PDZRN4: variants seen among roughly 807,000 people sequenced by gnomAD.
PDZRN4 encodes PDZ domain containing ring finger 4.
PDZRN4 carries 70 observed loss-of-function variants against 99.0 expected under a neutral mutation model. The ratio of observed to expected loss-of-function variants is 0.71; its 90% CI spans 0.58 to 0.86. PDZRN4 has a LOEUF of 0.86. Among genes scored for constraint, PDZRN4 ranks in the 40% least tolerant of loss-of-function variants. The pLI, the probability that PDZRN4 is intolerant of heterozygous loss-of-function variation, is 0.00. For synonymous variants in PDZRN4, 551 were observed against 501.6 expected, an observed-to-expected ratio of 1.10 and a Z score of -1.32; for missense variants, 1,474 against 1,331.2, an observed-to-expected ratio of 1.11 and a Z score of -1.67.
chr12:41,512,079 C>T (rs1244262146), intron 5 of PDZRN4, among the ~76,000 whole-genome samples: 1 of 152,046 alleles, frequency 6.6e-6, no homozygotes, highest in Non-Finnish European at 1.5e-5. Context: ...AAGACTTCAG[C>T]TCAGAAAGAG....
At chr12:41,463,854 C>T (rs1952896959) in intron 3 of PDZRN4, among the ~76,000 whole-genome samples, 1 of 152,248 alleles carries the variant, frequency 6.6e-6, no homozygotes, top group African/African-American at 2.4e-5. Flanking sequence ...ATACACATTC[C>T]CTTCAGTAGT....
intron 5 of PDZRN4, among the ~76,000 whole-genome samples, chr12:41,540,861 TTCG>T (rs1386607942): frequency 2.6e-5 from 3 of 115,086 alleles, no homozygotes; most frequent in Admixed American, 8.0e-5. Context: ...GCCCCTTTTC[TTCG>T]TTGTTGTTGT....
chr12:41,341,101 A>C (rs1438804112), intron 3 of PDZRN4, among the ~76,000 whole-genome samples: 1 of 151,886 alleles, frequency 6.6e-6, no homozygotes, highest in Non-Finnish European at 1.5e-5. Flanking sequence ...ATAAAAAGAC[A>C]AAAACGTGAT....
chr12:41,258,519 G>A (rs1425755775), intron 3 of PDZRN4, among the ~76,000 whole-genome samples: 2 of 151,940 alleles, frequency 1.3e-5, no homozygotes, highest in Non-Finnish European at 2.9e-5. Flanking sequence ...AAAAGAAAAG[G>A]GGGTAAAAAG....
At chr12:41,555,236 AAAAAAAAAAAAAAG>A (rs1258230467) in intron 6 of PDZRN4, among the ~76,000 whole-genome samples, 4 of 14,362 alleles carry the variant, frequency 2.8e-4, no homozygotes, top group African/African-American at 1.1e-3. Context: ...GTCTCAAAAA[AAAAAAAAAAAAAAG>A]AAAAAAAAAA....
At chr12:41,221,779 A>G (rs1409062905) in intron 3 of PDZRN4, among the ~76,000 whole-genome samples, 7 of 152,062 alleles carry the variant, frequency 4.6e-5, no homozygotes, top group Admixed American at 3.3e-4. Context: ...TCCTCAAGAA[A>G]GTTAAGTGGT....
At chr12:41,496,397 C>T (rs182641844) in intron 3 of PDZRN4, among the ~76,000 whole-genome samples, 44 of 152,220 alleles carry the variant, frequency 2.9e-4, no homozygotes, top group Admixed American at 2.6e-3. Context: ...CTATCTGCAA[C>T]TCTGAGTGGA....
chr12:41,382,412 A>T (rs998036467), intron 3 of PDZRN4, among the ~76,000 whole-genome samples: 1 of 152,206 alleles, frequency 6.6e-6, no homozygotes, highest in Non-Finnish European at 1.5e-5. Context: ...AACTTAGGAA[A>T]TTGAAGTTCA....
Position 41,506,089 on chromosome 12 carries a change from C to T in PDZRN4, c.844-367C>T, listed in dbSNP as rs755351076. On this transcript the variant is annotated intron_variant, in intron 3 of 9. Coordinates refer to ENST00000402685, the MANE Select transcript of PDZRN4 (RefSeq NM_001164595.2). ...CTTGATTAAATATTGAAAATCTCACCGAGAGATTGATAGATCATGAAAAAG... is the reference window on the plus strand; with the variant it reads ...CTTGATTAAATATTGAAAATCTCACTGAGAGATTGATAGATCATGAAAAAG... Among the ~76,000 whole-genome samples, 112 of 151,540 alleles carry T rather than the reference C, an allele frequency of 7.4e-4. 1 individual carries two copies. The highest frequency in any genetic ancestry group is 3.2e-4 in the Non-Finnish European group (22 of 67,902).
chr12:41,313,727 T>C (rs1951621649), intron 3 of PDZRN4, among the ~76,000 whole-genome samples: 1 of 152,172 alleles, frequency 6.6e-6, no homozygotes, highest in African/African-American at 2.4e-5. Context: ...GTCCCTCCAA[T>C]AGACCAGGTA....
intron 3 of PDZRN4, among the ~76,000 whole-genome samples, chr12:41,315,830 G>A (rs1307064217): frequency 6.6e-6 from 1 of 152,032 alleles, no homozygotes; most frequent in Non-Finnish European, 1.5e-5. Flanking sequence ...TTTTTAAATT[G>A]GAAAGGTAGA....
chr12:41,354,964 G>A (rs567528070), intron 3 of PDZRN4, among the ~76,000 whole-genome samples: 35 of 152,166 alleles, frequency 2.3e-4, no homozygotes, highest in Middle Eastern at 3.4e-3. Context: ...ATTGAGGCAA[G>A]GTAAATTCCA....
intron 5 of PDZRN4, among the ~76,000 whole-genome samples, chr12:41,540,635 G>T (rs389166): frequency 0.36 from 54,159 of 151,950 alleles, 9,862 homozygotes; most frequent in African/African-American, 0.42. Context: ...AATATCATTT[G>T]ATAAATTTAA....
chr12:41,448,361 A>T (rs571483752), intron 3 of PDZRN4, among the ~76,000 whole-genome samples: 1 of 152,280 alleles, frequency 6.6e-6, no homozygotes, highest in South Asian at 2.1e-4. Flanking sequence ...CTATTCTGGT[A>T]AAAGCCCTAA....
At position 41,572,976 on chromosome 12, in the gene PDZRN4, A is replaced by G. The variant is rs978385061; in HGVS notation, c.2197A>G (p.Lys733Glu). Residue 733 changes from lysine (K) to glutamate (E), a missense_variant, in exon 10 of 10, where the codon AAG becomes GAG. Physicochemically the swap from Lys to Glu is moderately conservative, Grantham distance 56. Coordinates refer to ENST00000402685, the MANE Select transcript of PDZRN4 (RefSeq NM_001164595.2). ...CATGGAGCATCCAGAAAAGTCTGAC[A>G]AGGACAGTTCTAGTGCTTACAACAC... ...DIMEHPEKSDKDSSSAYNTAE... is the reference protein window; with the variant it reads ...DIMEHPEKSDEDSSSAYNTAE... 1.9e-6 allele frequency: 3 copies of G among 1,614,062 alleles called. No individual in the cohort carries two copies. In the African/African-American group the frequency reaches 4.0e-5, roughly 22 times the overall value.
At chr12:41,213,607 T>C (rs1476670880) in intron 3 of PDZRN4, among the ~76,000 whole-genome samples, 1 of 152,016 alleles carries the variant, frequency 6.6e-6, no homozygotes, top group Non-Finnish European at 1.5e-5. Flanking sequence ...AACTATGGCT[T>C]CAGGCTGCTG....
At chr12:41,554,238 T>C (rs1939105893) in intron 6 of PDZRN4, among the ~76,000 whole-genome samples, 1 of 152,226 alleles carries the variant, frequency 6.6e-6, no homozygotes, top group South Asian at 2.1e-4. Flanking sequence ...TTGATTACAG[T>C]TCTAAAGATG....
chr12:41,564,381 T>C lies in PDZRN4; in HGVS notation c.1467+732T>C, dbSNP rs763270479. On this transcript the variant is annotated intron_variant, in intron 8 of 9. Transcript: ENST00000402685. ...AAAAAAAGTACTATTGGGGCTTCCT[T>C]TTATATCCTTTTTATCTCCCATCAC... Among the ~76,000 whole-genome samples the C allele has an allele frequency of 8.5e-5, 13 of 152,258 alleles. No homozygotes were observed. In the South Asian group the frequency reaches 2.7e-3, roughly 32 times the overall value.
chr12:41,511,162 A>C (rs1007700940), intron 5 of PDZRN4, among the ~76,000 whole-genome samples: 1 of 151,986 alleles, frequency 6.6e-6, no homozygotes, highest in African/African-American at 2.4e-5. Flanking sequence ...AGATCACTTC[A>C]ACTTTTTATT....
Sources: allele counts gnomAD v4.1 joint callset (sites outside exome capture counted in the v4.1 genomes callset), GRCh38; gene constraint gnomAD v4.1.1; transcripts MANE v1.5; gene names NCBI Gene and HGNC (gene_info 2026-07-23, HGNC 2026-07-21).